Variants in CSMD3 observed in about 807,000 individuals in gnomAD.
CSMD3 encodes CUB and sushi domain-containing protein 3.
In CSMD3, 177 loss-of-function variants were observed where a neutral mutation model predicts 435.2. The observed-to-expected ratio is 0.41, with a 90% CI of 0.36 to 0.46. CSMD3 has a LOEUF of 0.46. Ranked by LOEUF, CSMD3 falls within the 20% of genes least tolerant of loss-of-function variation. The pLI, the probability that CSMD3 is intolerant of heterozygous loss-of-function variation, is 0.34. For missense variants in CSMD3, 4,265 were observed against 4,504.6 expected (o/e 0.95, Z 1.52); for synonymous variants, 1,656 against 1,520.5 (o/e 1.09, Z -2.07).
At position 112,811,161 on chromosome 8, in the gene CSMD3, G is replaced by T. The variant is rs1323145158; in HGVS notation, c.1860-10887C>A. Reference sequence around the variant, plus strand: ...CTATATATTTTGATAACTGCAAACTGCCCAGAGAAGAGTAGAAACAGCAAT... The same window carrying T: ...CTATATATTTTGATAACTGCAAACTTCCCAGAGAAGAGTAGAAACAGCAAT... On this transcript the variant is annotated intron_variant, in intron 12 of 70. Transcript: ENST00000297405. Among the ~76,000 whole-genome samples the T allele has an allele frequency of 6.5e-5, 7 of 107,346 alleles. No homozygotes were observed. In the East Asian group the frequency reaches 1.4e-3, roughly 21 times the overall value. 70.4% of individuals were successfully genotyped at this position (107,346 alleles called of 152,430 possible). A position where few individuals can be genotyped will look rare whatever the true frequency, so the allele number is the denominator to read the frequency against.
intron 1 of CSMD3, among the ~76,000 whole-genome samples, chr8:113,413,899 T>A (rs771508777): frequency 1.7e-4 from 26 of 152,180 alleles, no homozygotes; most frequent in Non-Finnish European, 3.2e-4. Context: ...CTCAGAAGGT[T>A]ATTTGGAAAC....
intron 10 of CSMD3, among the ~76,000 whole-genome samples, chr8:112,871,525 G>A (rs540886470): frequency 5.7e-4 from 86 of 152,162 alleles, no homozygotes; most frequent in African/African-American, 1.9e-3. Flanking sequence ...GAGAAGACCA[G>A]CACTGGAAGT....
chr8:112,621,542 A>G (rs1385726577), intron 22 of CSMD3, among the ~76,000 whole-genome samples: 1 of 152,064 alleles, frequency 6.6e-6, no homozygotes, highest in Non-Finnish European at 1.5e-5. Context: ...GCCTTTATCA[A>G]GGTCACCAAT....
chr8:112,614,523 C>T (rs1225580568), intron 22 of CSMD3, among the ~76,000 whole-genome samples: 2 of 151,950 alleles, frequency 1.3e-5, no homozygotes. Context: ...TCAATGTCCC[C>T]CACTCCCAGG....
intron 38 of CSMD3, among the ~76,000 whole-genome samples, chr8:112,373,955 G>A (rs2131197516): frequency 6.6e-6 from 1 of 152,256 alleles, no homozygotes; most frequent in East Asian, 1.9e-4. Context: ...CCACCAAACA[G>A]ATTTTAACTG....
chr8:112,941,468 A>G (rs1339852282), intron 9 of CSMD3, among the ~76,000 whole-genome samples: 2 of 151,794 alleles, frequency 1.3e-5, no homozygotes, highest in African/African-American at 4.8e-5. Flanking sequence ...CTGACATCAC[A>G]ATTTTCTAAA....
intron 13 of CSMD3, among the ~76,000 whole-genome samples, chr8:112,727,127 T>C (rs2095329176): frequency 6.6e-6 from 1 of 151,876 alleles, no homozygotes. Context: ...TCTGGAACTA[T>C]ACAAATGTAT....
chr8:112,779,773 G>A (rs1031062376), intron 13 of CSMD3, among the ~76,000 whole-genome samples: 1 of 151,896 alleles, frequency 6.6e-6, no homozygotes, highest in Non-Finnish European at 1.5e-5. Context: ...AAATTATCAA[G>A]ATTTCTTTCT....
intron 22 of CSMD3, among the ~76,000 whole-genome samples, chr8:112,630,705 A>C (rs750006364): frequency 9.2e-5 from 14 of 152,110 alleles, no homozygotes; most frequent in Non-Finnish European, 1.5e-4. Flanking sequence ...GTGAAAGATA[A>C]TACAATTTCT....
chr8:112,571,873 T>TAAA (rs546114366), intron 24 of CSMD3, among the ~76,000 whole-genome samples: 2 of 92,816 alleles, frequency 2.2e-5, no homozygotes, highest in African/African-American at 4.2e-5. Flanking sequence ...CTGTCTCAAA[T>TAAA]AAAAAAAAAA....
intron 3 of CSMD3, among the ~76,000 whole-genome samples, chr8:113,189,532 T>C (rs1588237551): frequency 6.6e-6 from 1 of 151,848 alleles, no homozygotes; most frequent in Admixed American, 6.6e-5. Context: ...CAATTAAGTA[T>C]GAAAACACTC....
At chr8:112,996,117 A>C (rs2085643078) in intron 6 of CSMD3, among the ~76,000 whole-genome samples, 1 of 151,542 alleles carries the variant, frequency 6.6e-6, no homozygotes, top group Non-Finnish European at 1.5e-5. Context: ...TGGTGAGAAC[A>C]CTTAAAAATC....
In CSMD3 at chr8:112,579,771, T is replaced by C. The variant is rs573942878; in HGVS notation, c.3886-6114A>G. 8.5e-5 allele frequency among the ~76,000 whole-genome samples: 13 copies of C among 152,130 alleles called. No individual in the cohort carries two copies. The South Asian group carries it at 2.5e-3, about 29-fold the overall frequency. On this transcript the variant is annotated intron_variant, in intron 23 of 70. Coordinates refer to ENST00000297405, the MANE Select transcript of CSMD3 (RefSeq NM_198123.2). ...ACAACAGGTTAATAACTTTATCATG[T>C]CTCTACAAGAATGTTATTAATCAAG... is the stretch of plus-strand genomic sequence containing the variant.
intron 10 of CSMD3, among the ~76,000 whole-genome samples, chr8:112,878,687 C>A (rs989704887): frequency 4.6e-5 from 7 of 152,048 alleles, no homozygotes; most frequent in Non-Finnish European, 1.0e-4. Context: ...CAATGATAGA[C>A]TAGATAAAGA....
At chr8:113,087,549 T>C (rs1311398959) in intron 5 of CSMD3, among the ~76,000 whole-genome samples, 4 of 151,956 alleles carry the variant, frequency 2.6e-5, no homozygotes, top group South Asian at 2.1e-4. Flanking sequence ...TCAGAAATAA[T>C]GCCGCATATC....
intron 20 of CSMD3, among the ~76,000 whole-genome samples, chr8:112,644,622 G>T (rs2074927701): frequency 2.0e-5 from 3 of 151,924 alleles, no homozygotes; most frequent in African/African-American, 7.2e-5. Flanking sequence ...CTGTACTAAA[G>T]AATCTGAGAC....
intron 22 of CSMD3, among the ~76,000 whole-genome samples, chr8:112,590,476 T>G (rs546290950): frequency 6.6e-5 from 10 of 151,970 alleles, no homozygotes; most frequent in Non-Finnish European, 1.5e-4. Flanking sequence ...AATGACAGGT[T>G]CTAGGAACTG....
intron 31 of CSMD3, among the ~76,000 whole-genome samples, chr8:112,484,654 A>G (rs1338682492): frequency 1.3e-5 from 2 of 152,094 alleles, no homozygotes. Flanking sequence ...CCATCTGGAG[A>G]TATGGTTTAA....
chr8:112,529,092 C>G (rs1825273129), intron 27 of CSMD3, among the ~76,000 whole-genome samples: 1 of 152,074 alleles, frequency 6.6e-6, no homozygotes, highest in African/African-American at 2.4e-5. Flanking sequence ...AATAAACAAA[C>G]AAAATCAGCT....
Sources: allele counts gnomAD v4.1 joint callset (sites outside exome capture counted in the v4.1 genomes callset), GRCh38; gene constraint gnomAD v4.1.1; transcripts MANE v1.5; gene names NCBI Gene and HGNC (gene_info 2026-07-23, HGNC 2026-07-21).